Variants in CC2D2B observed in about 807,000 individuals in gnomAD.
The protein encoded by CC2D2B is protein CC2D2B.
Under a neutral mutation model 161.2 loss-of-function variants are expected in CC2D2B, and 128 were observed. The observed-to-expected ratio is 0.79, with a 90% CI of 0.69 to 0.92. The LOEUF (loss-of-function observed/expected upper bound fraction) is 0.92. CC2D2B is among the 40% of genes least tolerant of loss of function. The probability of loss-of-function intolerance (pLI) is 0.00; values close to 1 mark genes in which losing one functional copy is unlikely to be tolerated. For synonymous variants in CC2D2B, 391 were observed against 449.8 expected (o/e 0.87, Z 1.65); for missense variants, 1,173 against 1,375.1 (o/e 0.85, Z 2.32).
chr10:95,908,737 T>C (rs1388972423), intron 1 of CC2D2B, among the ~76,000 whole-genome samples: 1 of 147,696 alleles, frequency 6.8e-6, no homozygotes, highest in East Asian at 1.9e-4. Flanking sequence ...GCTATAAGTA[T>C]AGACACAGAG....
intron 25 of CC2D2B, among the ~76,000 whole-genome samples, chr10:96,009,298 A>G (rs193105511): frequency 1.3e-5 from 2 of 152,232 alleles, no homozygotes; most frequent in East Asian, 1.9e-4. Context: ...GCTGTGTACC[A>G]TCTTCCTATT....
At chr10:95,981,001 C>T (rs1409250004) in intron 17 of CC2D2B, among the ~76,000 whole-genome samples, 1 of 152,146 alleles carries the variant, frequency 6.6e-6, no homozygotes, top group Non-Finnish European at 1.5e-5. Flanking sequence ...GAAATCCTTA[C>T]TCAATTAGGG....
At chr10:95,928,361 C>T (rs1228147370) in intron 6 of CC2D2B, among the ~76,000 whole-genome samples, 2 of 152,068 alleles carry the variant, frequency 1.3e-5, no homozygotes. Context: ...TCACTATTAT[C>T]ATTTTTTCAT....
intron 20 of CC2D2B, among the ~76,000 whole-genome samples, chr10:95,990,135 T>G (rs1387052846): frequency 2.0e-5 from 3 of 152,316 alleles, no homozygotes; most frequent in Admixed American, 2.0e-4. Context: ...TGAGCACCTA[T>G]TATAATCCCT....
chr10:95,977,914 G>A (rs1248132900), intron 17 of CC2D2B, among the ~76,000 whole-genome samples: 2 of 152,182 alleles, frequency 1.3e-5, no homozygotes, highest in African/African-American at 4.8e-5. Flanking sequence ...TACCAGGGAT[G>A]GGGAAGGGAG....
At chr10:96,022,989 G>A (rs909917688) in intron 32 of CC2D2B, among the ~76,000 whole-genome samples, 3 of 152,170 alleles carry the variant, frequency 2.0e-5, no homozygotes, top group South Asian at 2.1e-4. Context: ...CAGGAACAGC[G>A]AATGGGAAGA....
At chr10:95,921,075 T>C (rs1308746115) in intron 2 of CC2D2B, 4 of 152,286 alleles carry the variant, frequency 2.6e-5, no homozygotes, top group Admixed American at 2.6e-4. Context: ...CCCTGCACAG[T>C]ACCAGGACTT....
chr10:95,981,580 C>G (rs1020019712), intron 17 of CC2D2B, among the ~76,000 whole-genome samples: 19 of 151,944 alleles, frequency 1.3e-4, no homozygotes, highest in Non-Finnish European at 2.1e-4. Flanking sequence ...GATTAAATTT[C>G]AATATTGTGC....
chr10:96,027,128 A>G lies in CC2D2B; in HGVS notation c.3948-84A>G, dbSNP rs553442444. The stretch of plus-strand genomic sequence containing the variant: ...ACAAGAGCGAGACTTCGTCTCAAAA[A>G]AAAAAAAAAGTCACAAAACTCTTAT... On this transcript the variant is annotated intron_variant, in intron 33 of 34. Coordinates refer to ENST00000646931, the MANE Select transcript of CC2D2B (RefSeq NM_001349008.3). 57 of 1,116,426 alleles carry G rather than the reference A, an allele frequency of 5.1e-5. No homozygotes were observed. The African/African-American group carries it at 8.9e-4, about 18-fold the overall frequency. The allele number at this position is 1,116,426 out of a possible 1,614,324, so 69.2% of individuals were successfully genotyped here.
intron 22 of CC2D2B, among the ~76,000 whole-genome samples, chr10:95,994,365 C>G (rs1378361706): frequency 2.0e-5 from 3 of 152,162 alleles, no homozygotes; most frequent in Admixed American, 2.0e-4. Flanking sequence ...TTAAGACTTT[C>G]ACTATTTCTT....
At chr10:95,913,533 G>A in intron 2 of CC2D2B, 1 of 283,092 alleles carries the variant, frequency 3.5e-6, no homozygotes, top group South Asian at 3.3e-5. Flanking sequence ...GTTTTTTGAG[G>A]AACCCCATAC....
intron 10 of CC2D2B, among the ~76,000 whole-genome samples, chr10:95,950,739 C>T (rs1456153051): frequency 1.3e-5 from 2 of 152,156 alleles, no homozygotes; most frequent in East Asian, 3.8e-4. Flanking sequence ...CCTGATGGAG[C>T]CACAAAGCCG....
intron 26 of CC2D2B, among the ~76,000 whole-genome samples, chr10:96,010,136 A>C (rs2078923179): frequency 6.6e-6 from 1 of 152,192 alleles, no homozygotes; most frequent in Non-Finnish European, 1.5e-5. Context: ...GAATAGGAAA[A>C]CTAGTCTTAG....
intron 32 of CC2D2B, chr10:96,020,453 T>C (rs575549309): frequency 6.6e-6 from 1 of 152,404 alleles, no homozygotes; most frequent in South Asian, 2.1e-4. Context: ...ACTCAATCAC[T>C]ACATGGGTTG....
intron 10 of CC2D2B, chr10:95,952,380 T>C (rs2076432921): frequency 6.6e-6 from 1 of 152,204 alleles, no homozygotes; most frequent in Admixed American, 6.5e-5. Context: ...AGATTAATTG[T>C]AGAAGTGTCA....
chr10:96,025,190 A>T (rs867050312), intron 33 of CC2D2B, among the ~76,000 whole-genome samples: 836 of 52,784 alleles, frequency 0.016, 23 homozygotes, highest in South Asian at 0.048. Flanking sequence ...TATATAAAAA[A>T]AAATATATAT....
At chr10:95,927,706 CTT>C (rs200310434) in intron 6 of CC2D2B, among the ~76,000 whole-genome samples, 13 of 143,416 alleles carry the variant, frequency 9.1e-5, no homozygotes, top group Admixed American at 7.0e-5. Flanking sequence ...TTCTTTCTTT[CTT>C]TTTTTTTTTT....
intron 11 of CC2D2B, among the ~76,000 whole-genome samples, chr10:95,959,703 C>A (rs929303495): frequency 6.6e-6 from 1 of 150,536 alleles, no homozygotes; most frequent in African/African-American, 2.4e-5. Flanking sequence ...CCAAGGAATG[C>A]AAGGATGGTT....
chr10:95,957,713 A>C (rs2076617494), intron 11 of CC2D2B, among the ~76,000 whole-genome samples: 1 of 151,626 alleles, frequency 6.6e-6, no homozygotes, highest in Admixed American at 6.6e-5. Context: ...GGTGTGTGCC[A>C]CCACGCCTGG....
Sources: gnomAD v4.1 joint callset for allele counts (sites outside exome capture counted in the v4.1 genomes callset) on GRCh38, gnomAD v4.1.1 for gene constraint, MANE v1.5 for transcripts, NCBI Gene and HGNC (gene_info 2026-07-23, HGNC 2026-07-21) for gene names.